Variants in TMPRSS6 observed in about 807,000 individuals in gnomAD.
TMPRSS6 encodes transmembrane protease serine 6.
In TMPRSS6, 67 loss-of-function variants were observed where a neutral mutation model predicts 101.5. That is an observed-to-expected ratio of 0.66 (90% CI 0.54 to 0.81). The LOEUF is 0.81. Among genes scored for constraint, TMPRSS6 ranks in the 30% least tolerant of loss-of-function variants. The pLI, the probability that TMPRSS6 is intolerant of heterozygous loss-of-function variation, is 0.00. For synonymous variants in TMPRSS6, 453 were observed against 464.9 expected (o/e 0.97, Z 0.33); for missense variants, 1,034 against 1,088.7 (o/e 0.95, Z 0.71).
rs148415070 is a variant in TMPRSS6 at position 37,098,382 on chromosome 22, T to C, written c.336+34A>G. ...CCACCCCTCTCTTTTCACCCCCATA[T>C]TCCCTCCCTCTCATCCCCCAGATCC... is the stretch of plus-strand genomic sequence containing the variant. On this transcript the variant is annotated intron_variant, in intron 3 of 17. Coordinates refer to ENST00000676104, the MANE Select transcript of TMPRSS6 (RefSeq NM_001374504.1). 3.0e-4 allele frequency: 480 copies of C among 1,606,054 alleles called. 1 individual carries two copies. The Middle Eastern group carries it at 4.5e-3, about 15-fold the overall frequency.
intron 4 of TMPRSS6, 101 bp from the exon 5 acceptor site, chr22:37,096,191 A>G: frequency 9.7e-6 from 13 of 1,341,164 alleles, no homozygotes; most frequent in Non-Finnish European, 1.4e-5. Context: ...CACCTCAGCC[A>G]TTGCTGTCCG....
rs1929999376 is a variant in TMPRSS6 at position 37,098,301 on chromosome 22, G to A, written c.336+115C>T. ...CTTCCATGGTGCCTGGAGCAGGGCTGTGGTCCCTGTGAATGCTCCAGATGG... is the reference window on the plus strand; with the variant it reads ...CTTCCATGGTGCCTGGAGCAGGGCTATGGTCCCTGTGAATGCTCCAGATGG... On this transcript the variant is annotated intron_variant, in intron 3 of 17. Coordinates refer to ENST00000676104, the MANE Select transcript of TMPRSS6 (RefSeq NM_001374504.1). 15 of 1,484,658 alleles carry A rather than the reference G, an allele frequency of 1.0e-5. No individual in the cohort carries two copies. The South Asian group carries it at 1.6e-4, about 16-fold the overall frequency. 92.0% of individuals were successfully genotyped at this position (1,484,658 alleles called of 1,614,324 possible).
intron 6 of TMPRSS6, among the ~76,000 whole-genome samples, chr22:37,095,121 G>A (rs1015501494): frequency 6.6e-6 from 1 of 152,198 alleles, no homozygotes; most frequent in Admixed American, 6.5e-5. Flanking sequence ...GTTCTTGAAT[G>A]CAATGGCACC....
At position 37,066,344 on chromosome 22, in the gene TMPRSS6, C is replaced by T. The variant is rs937810202; in HGVS notation, c.2251-106G>A. 3 of 1,175,164 alleles carry T rather than the reference C, an allele frequency of 2.6e-6. No individual in the cohort carries two copies. In the Admixed American group the frequency reaches 7.6e-5, roughly 30 times the overall value. The allele number at this position is 1,175,164 out of a possible 1,614,324, so 72.8% of individuals were successfully genotyped here. On this transcript the variant is annotated intron_variant, in intron 17 of 17. Transcript: ENST00000676104. ...CTGACTGTTGGGAATTGACTGGGTG[C>T]CAGAGTCACGTTCAGTCTTAAAGCT...
At position 37,069,973 on chromosome 22, in the gene TMPRSS6, G is replaced by C. The variant is rs1049180185; in HGVS notation, c.1841+511C>G. Among the ~76,000 whole-genome samples the C allele has an allele frequency of 1.3e-5, 2 of 152,170 alleles. No individual in the cohort carries two copies. The highest frequency in any genetic ancestry group is 4.8e-5 in the African/African-American group (2 of 41,436). ...AGGGGATCCCTGTGCAGGGCCTGGG[G>C]GCGGGATCTGGAGCCCAGATCTGTC... On this transcript the variant is annotated intron_variant, in intron 15 of 17. Transcript: ENST00000676104. This position sits in a 1 kb window ranked among gnomAD's most constrained non-coding sequence, Gnocchi z 4.8.
intron 1 of TMPRSS6, among the ~76,000 whole-genome samples, chr22:37,107,281 C>T (rs1024073353): frequency 3.3e-5 from 5 of 152,164 alleles, no homozygotes; most frequent in Non-Finnish European, 7.4e-5. Flanking sequence ...GACAGGGTGG[C>T]ACATGGTGAC....
intron 7 of TMPRSS6, among the ~76,000 whole-genome samples, chr22:37,086,852 C>G (rs919026653): frequency 6.6e-6 from 1 of 152,184 alleles, no homozygotes; most frequent in Non-Finnish European, 1.5e-5. Flanking sequence ...CAAGGATAGG[C>G]AGGGAGAAGG....
chr22:37,093,318 A>G (rs1192083521), intron 6 of TMPRSS6, among the ~76,000 whole-genome samples: 1 of 151,282 alleles, frequency 6.6e-6, no homozygotes, highest in Non-Finnish European at 1.5e-5. Context: ...AGGCTATTAC[A>G]TAGCACTTCT....
rs771180010 is a variant in TMPRSS6 at position 37,066,916 on chromosome 22, T to C, written c.2160A>G (p.Pro720=). 3.1e-6 allele frequency: 5 copies of C among 1,614,054 alleles called. No homozygotes were observed. The East Asian group carries it at 1.1e-4, about 36-fold the overall frequency. ...GATAGACCTCGCTGCACAGGTCCTG[T>C]GGGATCAACTGCACATCCACTTTCT... The part of the protein sequence containing the change: ...ALQKVDVQLI[P]QDLCSEVYRY... The change falls in exon 17 of 18, where the codon CCA becomes CCG. Residue 720 remains proline (P), a synonymous_variant. Transcript: ENST00000676104.
rs539923850 is a variant in TMPRSS6, at chr22:37,069,233, G to A, written c.1953C>T (p.His651=). ...CGTCGTAGTCATGGCTGTCCTCTTC[G>A]TGGTACGGGTGCAGGAGCAGGCGGC... ...KVSRLLLHPY[H]EEDSHDYDVA... The change falls in exon 16 of 18, where the codon CAC becomes CAT. Residue 651 remains histidine, a synonymous_variant. Coordinates refer to ENST00000676104, the MANE Select transcript of TMPRSS6 (RefSeq NM_001374504.1). This position sits in a 1 kb window ranked among gnomAD's most constrained non-coding sequence, Gnocchi z 4.8. 6.2e-7 allele frequency: 1 copy of A among 1,610,766 alleles called. No individual in the cohort carries two copies. The highest frequency in any genetic ancestry group is 1.3e-5 in the African/African-American group (1 of 75,000).
intron 2 of TMPRSS6, among the ~76,000 whole-genome samples, chr22:37,102,182 A>G (rs1930374147): frequency 6.6e-6 from 1 of 152,220 alleles, no homozygotes; most frequent in African/African-American, 2.4e-5. Context: ...CCTTTGCAGG[A>G]TGTTTAATGG....
intron 6 of TMPRSS6, among the ~76,000 whole-genome samples, chr22:37,094,381 T>TGGTA (rs1555891519): frequency 7.6e-6 from 1 of 130,940 alleles, no homozygotes; most frequent in African/African-American, 3.1e-5. Flanking sequence ...TAATGATTGA[T>TGGTA]GATAGATAGA....
At chr22:37,109,161 G>A (rs1312809648) in intron 1 of TMPRSS6, among the ~76,000 whole-genome samples, 1 of 152,192 alleles carries the variant, frequency 6.6e-6, no homozygotes, top group East Asian at 1.9e-4. Context: ...GGTACCGGGT[G>A]TGGAGGGGGC....
Position 37,069,359 on chromosome 22 carries a change from G to T in TMPRSS6, c.1842-15C>A. ...TGGAGGCCATGCTGGGGTGGGGTGG[G>T]GTGGGGTGGGGTGGGGTGAGGTGAG... is the stretch of plus-strand genomic sequence containing the variant. On this transcript the variant is annotated splice_polypyrimidine_tract_variant and intron_variant, in intron 15 of 17. Coordinates refer to ENST00000676104, the MANE Select transcript of TMPRSS6 (RefSeq NM_001374504.1). This position sits in a 1 kb window ranked among gnomAD's most constrained non-coding sequence, Gnocchi z 4.8. The T allele has an allele frequency of 6.7e-7, 1 of 1,485,242 alleles. No individual in the cohort carries two copies. Among genetic ancestry groups the T allele is most frequent in the Non-Finnish European group, 9.1e-7 (1 of 1,099,872 alleles). The allele number at this position is 1,485,242 out of a possible 1,614,324, so 92.0% of individuals were successfully genotyped here. A position where few individuals can be genotyped will look rare whatever the true frequency, so the allele number is the denominator to read the frequency against.
At chr22:37,096,163 C>A in intron 4 of TMPRSS6, 73 bp from the exon 5 acceptor site, 2 of 1,531,734 alleles carry the variant, frequency 1.3e-6, no homozygotes, top group Non-Finnish European at 1.8e-6. Context: ...CCTGCTCATG[C>A]ACATCGAGCA....
At chr22:37,093,249 A>T (rs1002039060) in intron 6 of TMPRSS6, among the ~76,000 whole-genome samples, 1 of 152,152 alleles carries the variant, frequency 6.6e-6, no homozygotes, top group African/African-American at 2.4e-5. Flanking sequence ...CCCACTGAGC[A>T]CAGATAATTA....
intron 6 of TMPRSS6, among the ~76,000 whole-genome samples, chr22:37,094,416 T>C (rs1166125120): frequency 1.3e-5 from 2 of 148,882 alleles, no homozygotes; most frequent in African/African-American, 5.0e-5. Context: ...GATAGATAGA[T>C]AGATAGATAG....
At chr22:37,080,047 G>C (rs1223901727) in intron 10 of TMPRSS6, 1 of 152,308 alleles carries the variant, frequency 6.6e-6, no homozygotes, top group Non-Finnish European at 1.5e-5. Flanking sequence ...CACAAGAGAA[G>C]TGATGTCACA....
In TMPRSS6 at chr22:37,075,117, C is replaced by T; in HGVS notation, c.1342+18G>A. On this transcript the variant is annotated intron_variant, in intron 11 of 17. Transcript: ENST00000676104. Reference sequence around the variant, plus strand: ...CAGCGAGTCACTGCAGGGGGTTCCCCCGGCTGCCCATACTCACGGTCCGAC... The same window carrying T: ...CAGCGAGTCACTGCAGGGGGTTCCCTCGGCTGCCCATACTCACGGTCCGAC... The T allele has an allele frequency of 2.5e-6, 4 of 1,613,718 alleles. No individual in the cohort carries two copies. Among genetic ancestry groups the T allele is most frequent in the Non-Finnish European group, 2.5e-6 (3 of 1,180,042 alleles).
Sources: allele counts gnomAD v4.1 joint callset (sites outside exome capture counted in the v4.1 genomes callset), GRCh38; gene constraint gnomAD v4.1.1; non-coding constraint Gnocchi (gnomAD v3.1); transcripts MANE v1.5; gene names NCBI Gene and HGNC (gene_info 2026-07-23, HGNC 2026-07-21).